The following PRDM11 variants were observed in gnomAD, a reference collection of about 807,000 sequenced individuals.
PRDM11 encodes PR domain-containing protein 11.
In PRDM11, 20 loss-of-function variants were observed where a neutral mutation model predicts 97.8. The ratio of observed to expected loss-of-function variants is 0.20; its 90% CI spans 0.14 to 0.30. PRDM11 has a LOEUF of 0.30. Ranked by LOEUF, PRDM11 falls within the 10% of genes least tolerant of loss-of-function variation. The probability of loss-of-function intolerance (pLI) is 1.00; values close to 1 mark genes in which losing one functional copy is unlikely to be tolerated. For synonymous variants in PRDM11, 599 were observed against 637.7 expected, an observed-to-expected ratio of 0.94 and a Z score of 0.91; for missense variants, 1,139 against 1,555.2, an observed-to-expected ratio of 0.73 and a Z score of 4.50.
chr11:45,095,518 C>T (rs897171037), upstream of PRDM11, among the ~76,000 whole-genome samples: 1 of 152,218 alleles, frequency 6.6e-6, no homozygotes, highest in Non-Finnish European at 1.5e-5. Context: ...AGCCGTCTCT[C>T]ATCATCTATT....
intron 6 of PRDM11, among the ~76,000 whole-genome samples, chr11:45,220,513 C>T (rs1308448815): frequency 1.3e-5 from 2 of 152,152 alleles, no homozygotes; most frequent in Admixed American, 1.3e-4. Flanking sequence ...ATGTGCAAAC[C>T]GAATATCAAA....
chr11:45,153,722 C>T (rs1343228443), intron 1 of PRDM11, among the ~76,000 whole-genome samples: 3 of 152,234 alleles, frequency 2.0e-5, no homozygotes, highest in African/African-American at 7.2e-5. Flanking sequence ...TGTAAATGGA[C>T]TCAGTAATAT....
rs555311745 is a variant in PRDM11 at position 45,112,577 on chromosome 11, T to C, written c.96+16676T>C. Among the ~76,000 whole-genome samples the C allele has an allele frequency of 2.4e-4, 37 of 152,362 alleles. No individual in the cohort carries two copies. The South Asian group carries it at 6.4e-3, about 26-fold the overall frequency. ...CCAGCAACATAAACGTGTTCCCTTT[T>C]CATGACATCCATGCCAACACCTATT... On this transcript the variant is annotated intron_variant, in intron 1 of 6. Coordinates refer to the PRDM11 transcript ENST00000530656.
At chr11:45,191,141 A>G (rs1380669427) in intron 4 of PRDM11, among the ~76,000 whole-genome samples, 1 of 151,832 alleles carries the variant, frequency 6.6e-6, no homozygotes, top group Non-Finnish European at 1.5e-5. Flanking sequence ...TTTTTTCTTC[A>G]TGATATTGAT....
intron 4 of PRDM11, among the ~76,000 whole-genome samples, chr11:45,185,918 G>C (rs906622631): frequency 6.6e-6 from 1 of 152,090 alleles, no homozygotes; most frequent in African/African-American, 2.4e-5. Flanking sequence ...TAATAAGAGG[G>C]AGGTGGGAGG....
At chr11:45,211,690 A>C (rs921533299) in intron 5 of PRDM11, among the ~76,000 whole-genome samples, 27 of 152,086 alleles carry the variant, frequency 1.8e-4, no homozygotes, top group Non-Finnish European at 3.5e-4. Flanking sequence ...TGCAGATTCC[A>C]TATTAGTAGT....
chr11:45,129,280 T>A (rs1289878465), intron 1 of PRDM11, among the ~76,000 whole-genome samples: 1 of 152,148 alleles, frequency 6.6e-6, no homozygotes, highest in Non-Finnish European at 1.5e-5. Flanking sequence ...TTCATCATCG[T>A]ACTGAAGATC....
chr11:45,104,478 G>T (rs551097901), intron 1 of PRDM11, among the ~76,000 whole-genome samples: 4 of 152,172 alleles, frequency 2.6e-5, no homozygotes, highest in Non-Finnish European at 4.4e-5. Context: ...ATAGCTGAGT[G>T]AGACCATGGA....
At chr11:45,182,382 C>T (rs773149106) in intron 3 of PRDM11, 33 bp downstream of exon 3, 80 of 1,574,358 alleles carry the variant, frequency 5.1e-5, no homozygotes, top group Non-Finnish European at 6.7e-5. Flanking sequence ...GGCTGCTCCT[C>T]CCTTCACCCC....
intron 1 of PRDM11, among the ~76,000 whole-genome samples, chr11:45,115,928 C>T (rs1172467278): frequency 1.8e-5 from 1 of 56,580 alleles, no homozygotes; most frequent in African/African-American, 7.1e-5. Flanking sequence ...AACTCCATCT[C>T]AAAAAAAAAA....
chr11:45,150,778 A>T (rs964127767), intron 1 of PRDM11, among the ~76,000 whole-genome samples: 1 of 152,206 alleles, frequency 6.6e-6, no homozygotes, highest in Non-Finnish European at 1.5e-5. Flanking sequence ...TCTGGGGAAG[A>T]TGAAGAGGAA....
At chr11:45,110,116 G>T (rs949012581) in intron 1 of PRDM11, among the ~76,000 whole-genome samples, 1 of 152,130 alleles carries the variant, frequency 6.6e-6, no homozygotes, top group Admixed American at 6.6e-5. Context: ...TACACTTTGC[G>T]TGCAAACACC....
chr11:45,110,825 G>A (rs909082127), intron 1 of PRDM11, among the ~76,000 whole-genome samples: 1 of 152,162 alleles, frequency 6.6e-6, no homozygotes, highest in Admixed American at 6.5e-5. Context: ...AACAAGAGGC[G>A]CCTTTCTTTG....
intron 1 of PRDM11, among the ~76,000 whole-genome samples, chr11:45,153,988 T>A (rs572161490): frequency 6.6e-6 from 1 of 152,284 alleles, no homozygotes; most frequent in East Asian, 1.9e-4. Context: ...AAAACCACAT[T>A]GATAAAGGAA....
At chr11:45,147,607 A>G (rs1851553580) in intron 1 of PRDM11, 1 of 152,350 alleles carries the variant, frequency 6.6e-6, no homozygotes, top group Admixed American at 6.5e-5. Context: ...GAAACTGCAG[A>G]AACTTAGCGG....
chr11:45,186,472 C>T (rs1195278448), intron 4 of PRDM11, among the ~76,000 whole-genome samples: 1 of 152,146 alleles, frequency 6.6e-6, no homozygotes, highest in Non-Finnish European at 1.5e-5. Flanking sequence ...GCATTTCCTA[C>T]AGAAAAGGTG....
chr11:45,169,233 T>C (rs1171508929), intron 1 of PRDM11, among the ~76,000 whole-genome samples: 1 of 152,230 alleles, frequency 6.6e-6, no homozygotes, highest in Non-Finnish European at 1.5e-5. Flanking sequence ...ACCTCAACAA[T>C]TAATAGCCCC....
intron 5 of PRDM11, among the ~76,000 whole-genome samples, chr11:45,209,547 G>T (rs527551251): frequency 6.6e-6 from 1 of 152,264 alleles, no homozygotes; most frequent in Non-Finnish European, 1.5e-5. Flanking sequence ...TAAACCCCAC[G>T]CAGGCCCTGC....
At chr11:45,102,549 C>T (rs1851995892) in intron 1 of PRDM11, among the ~76,000 whole-genome samples, 1 of 152,150 alleles carries the variant, frequency 6.6e-6, no homozygotes, top group Admixed American at 6.5e-5. Flanking sequence ...AGAGCAATAA[C>T]GTCTTCTGTG....
Sources: gnomAD v4.1 joint callset for allele counts (sites outside exome capture counted in the v4.1 genomes callset) on GRCh38, gnomAD v4.1.1 for gene constraint, MANE v1.5 for transcripts, NCBI Gene and HGNC (gene_info 2026-07-23, HGNC 2026-07-21) for gene names.